KIAA1217: variants seen among roughly 807,000 people sequenced by gnomAD.
The protein encoded by KIAA1217 is KIAA1217, also known as sickle tail protein homolog.
Under a neutral mutation model 163.9 loss-of-function variants are expected in KIAA1217, and 88 were observed. The ratio of observed to expected loss-of-function variants is 0.54; its 90% CI spans 0.45 to 0.64. The LOEUF (loss-of-function observed/expected upper bound fraction) is 0.64, where lower values mean the gene tolerates loss of function less well. Ranked by LOEUF, KIAA1217 falls within the 30% of genes least tolerant of loss-of-function variation. The probability of loss-of-function intolerance (pLI) is 0.00; values close to 1 mark genes in which losing one functional copy is unlikely to be tolerated. For synonymous variants in KIAA1217, 903 were observed against 923.1 expected (o/e 0.98, Z 0.39); for missense variants, 2,372 against 2,475.0 (o/e 0.96, Z 0.88).
At chr10:24,309,343 C>CGT (rs1491016747) in intron 2 of KIAA1217, among the ~76,000 whole-genome samples, 4 of 65,110 alleles carry the variant, frequency 6.1e-5, no homozygotes, top group Non-Finnish European at 1.3e-4. Flanking sequence ...CGCGCGCACG[C>CGT]GCGCGCGCAC....
At chr10:24,363,852 A>C (rs953522836) in intron 2 of KIAA1217, among the ~76,000 whole-genome samples, 2 of 152,066 alleles carry the variant, frequency 1.3e-5, no homozygotes, top group Non-Finnish European at 2.9e-5. Context: ...GATTACAGGC[A>C]TGGGCCACCG....
intron 9 of KIAA1217, among the ~76,000 whole-genome samples, chr10:24,511,152 CAA>C (rs58529942): frequency 1.4e-4 from 5 of 34,512 alleles, no homozygotes; most frequent in African/African-American, 3.9e-4. Context: ...GACTCTGTCT[CAA>C]AAAAAAAAAA....
chr10:24,002,507 G>T (rs528379989), intron 1 of KIAA1217, among the ~76,000 whole-genome samples: 1 of 152,272 alleles, frequency 6.6e-6, no homozygotes, highest in South Asian at 2.1e-4. Flanking sequence ...GTCCACCAGA[G>T]GCTCTGGCGG....
intron 2 of KIAA1217, chr10:24,042,541 T>G (rs1022932536): frequency 1.3e-5 from 2 of 152,182 alleles, no homozygotes; most frequent in Admixed American, 1.3e-4. Flanking sequence ...GCTTAGAAAC[T>G]TCCTGCTTAA....
chr10:24,264,805 TTCTCTCTTTCTCTC>T (rs2076074385), intron 2 of KIAA1217, among the ~76,000 whole-genome samples: 2 of 79,902 alleles, frequency 2.5e-5, no homozygotes, highest in Admixed American at 1.2e-4. Flanking sequence ...CTCTCTCTCA[TTCTCTCTTTCTCTC>T]TCTCTCTCCC....
chr10:23,901,006 T>C (rs56656636), intron 1 of KIAA1217, among the ~76,000 whole-genome samples: 1 of 152,146 alleles, frequency 6.6e-6, no homozygotes, highest in South Asian at 2.1e-4. Flanking sequence ...ATAATTATTT[T>C]TATTTAATAA....
Position 24,533,090 on chromosome 10 carries a change from A to G in KIAA1217, c.3267A>G (p.Gly1089=), listed in dbSNP as rs772965626. 1 of 1,612,628 alleles carries G rather than the reference A, an allele frequency of 6.2e-7. No individual in the cohort carries two copies. The highest frequency in any genetic ancestry group is 8.5e-7 in the Non-Finnish European group (1 of 1,179,176). The part of the protein sequence containing the change: ...ITAKASSEDA[G]PSPQTRATKY... ...CACAGGCAAGCAGTGAAGATGCTGGACCAAGCCCACAGACCAGAGCTACAA... is the reference window on the plus strand; with the variant it reads ...CACAGGCAAGCAGTGAAGATGCTGGGCCAAGCCCACAGACCAGAGCTACAA... Residue 1089 remains glycine, a synonymous_variant, in exon 16 of 21, where the codon GGA becomes GGG. Transcript: ENST00000376454.
chr10:23,804,645 T>C (rs1378618938), intron 1 of KIAA1217, among the ~76,000 whole-genome samples: 1 of 152,196 alleles, frequency 6.6e-6, no homozygotes, highest in Non-Finnish European at 1.5e-5. Flanking sequence ...GCTGGAGATA[T>C]ACAGGTCTAG....
chr10:24,004,750 C>T (rs145619024), intron 1 of KIAA1217, among the ~76,000 whole-genome samples: 1 of 152,308 alleles, frequency 6.6e-6, no homozygotes, highest in East Asian at 1.9e-4. Context: ...TTCTCTCTCA[C>T]ATGCAGAAAG....
chr10:24,442,911 A>T (rs1315800067), intron 5 of KIAA1217, among the ~76,000 whole-genome samples: 5 of 136,572 alleles, frequency 3.7e-5, no homozygotes, highest in East Asian at 2.1e-4. Context: ...CTTTTGTGGG[A>T]TTTTTTTTTT....
intron 2 of KIAA1217, among the ~76,000 whole-genome samples, chr10:24,065,751 C>G (rs1225952440): frequency 6.6e-6 from 1 of 152,148 alleles, no homozygotes; most frequent in African/African-American, 2.4e-5. Flanking sequence ...GTGTTAAAGT[C>G]TCCCATTATT....
chr10:24,520,808 T>C (rs1349477043), intron 11 of KIAA1217, among the ~76,000 whole-genome samples: 4 of 148,870 alleles, frequency 2.7e-5, no homozygotes, highest in African/African-American at 9.8e-5. Flanking sequence ...ATTGCACCAC[T>C]GCACTCCAGC....
intron 1 of KIAA1217, among the ~76,000 whole-genome samples, chr10:24,005,450 T>C (rs1846950372): frequency 6.6e-6 from 1 of 152,244 alleles, no homozygotes; most frequent in African/African-American, 2.4e-5. Context: ...GCTATGTTTA[T>C]GTCATTGGGC....
intron 1 of KIAA1217, among the ~76,000 whole-genome samples, chr10:23,866,892 A>G (rs913348641): frequency 6.6e-6 from 1 of 151,378 alleles, no homozygotes; most frequent in African/African-American, 2.4e-5. Flanking sequence ...GTACATGTGC[A>G]CAATGTGCAG....
chr10:24,215,614 T>C (rs1024714915), intron 1 of KIAA1217, among the ~76,000 whole-genome samples: 6 of 152,198 alleles, frequency 3.9e-5, no homozygotes, highest in Non-Finnish European at 8.8e-5. Flanking sequence ...TTTGTAATCA[T>C]TCTTAGTTTT....
intron 2 of KIAA1217, among the ~76,000 whole-genome samples, chr10:24,189,614 T>A (rs898460972): frequency 6.6e-6 from 1 of 152,200 alleles, no homozygotes; most frequent in Non-Finnish European, 1.5e-5. Context: ...ATTGATTTAA[T>A]GTAAGTTTTA....
At position 23,720,528 on chromosome 10, in the gene KIAA1217, G is replaced by C. The variant is rs1479809748; in HGVS notation, c.-321+25294G>C. 2.0e-5 allele frequency among the ~76,000 whole-genome samples: 3 copies of C among 152,112 alleles called. No individual in the cohort carries two copies. In the East Asian group the frequency reaches 5.8e-4, roughly 29 times the overall value. ...CTGAATAGACTGATAGAATGAACGA[G>C]GGTTTGGGAGTGGGTGGCATAAGAG... On this transcript the variant is annotated intron_variant, in intron 1 of 18. Coordinates refer to the KIAA1217 transcript ENST00000376462.
At chr10:24,323,581 G>A (rs1050935028) in intron 2 of KIAA1217, among the ~76,000 whole-genome samples, 1 of 152,066 alleles carries the variant, frequency 6.6e-6, no homozygotes, top group African/African-American at 2.4e-5. Context: ...TTCTTTATTT[G>A]TGAAGCGCAG....
chr10:24,252,630 T>A (rs762393068), intron 2 of KIAA1217, among the ~76,000 whole-genome samples: 5 of 151,948 alleles, frequency 3.3e-5, no homozygotes, highest in Admixed American at 3.3e-4. Context: ...CTACATGTGA[T>A]CAGATTTGGA....
Sources: gnomAD v4.1 joint callset for allele counts (sites outside exome capture counted in the v4.1 genomes callset) on GRCh38, gnomAD v4.1.1 for gene constraint, MANE v1.5 for transcripts, NCBI Gene and HGNC (gene_info 2026-07-23, HGNC 2026-07-21) for gene names.